Variants in DHRS12 observed in about 807,000 individuals in gnomAD.
DHRS12 encodes dehydrogenase/reductase 12, also known as dehydrogenase/reductase SDR family member 12.
DHRS12 carries 29 observed loss-of-function variants against 32.1 expected under a neutral mutation model. That is an observed-to-expected ratio of 0.90 (90% CI 0.67 to 1.23). The LOEUF (loss-of-function observed/expected upper bound fraction) is 1.23. DHRS12 is among the 50% of genes most tolerant of loss of function. The pLI, the probability that DHRS12 is intolerant of heterozygous loss-of-function variation, is 0.00. For synonymous variants in DHRS12, 150 were observed against 135.9 expected (o/e 1.10, Z -0.72); for missense variants, 330 against 337.2 (o/e 0.98, Z 0.17).
chr13:51,768,813 G>A (rs780699839), intron 8 of DHRS12: 23 of 1,261,790 alleles, frequency 1.8e-5, no homozygotes, highest in Non-Finnish European at 2.3e-5. Flanking sequence ...GAGAAGCAGA[G>A]TCCGTTACTC....
chr13:51,780,740 C>T (rs767526809), intron 4 of DHRS12, among the ~76,000 whole-genome samples: 8 of 152,106 alleles, frequency 5.3e-5, no homozygotes, highest in Non-Finnish European at 1.0e-4. Flanking sequence ...GGAGAGATGC[C>T]GCGTGTTCTT....
rs1955875297 is a variant in DHRS12 at position 51,803,944 on chromosome 13, C to T, written c.-9+110G>A. On this transcript the variant is annotated intron_variant, in intron 1 of 8. Coordinates refer to ENST00000444610, the MANE Select transcript of DHRS12 (RefSeq NM_001377533.1). ...GTCGTTCTGGACACGCTTAGTCGGC[C>T]CAGCGAGAGGGCGAAGGAGCCGCGG... 3 of 1,059,870 alleles carry T rather than the reference C, an allele frequency of 2.8e-6. No homozygotes were observed. The South Asian group carries it at 8.7e-5, about 31-fold the overall frequency. 65.7% of individuals were successfully genotyped at this position (1,059,870 alleles called of 1,614,324 possible). A position where few individuals can be genotyped will look rare whatever the true frequency, so the allele number is the denominator to read the frequency against.
chr13:51,773,056 A>G lies in DHRS12; in HGVS notation c.468+874T>C, dbSNP rs886412530. On this transcript the variant is annotated intron_variant, in intron 6 of 8. Transcript: ENST00000444610. ...GCCCTAGCGGGTGAATTTAAGGGCA[A>G]GAACTGTAAATATGGAAGTTATATA... is the stretch of plus-strand genomic sequence containing the variant. 9 of 985,358 alleles carry G rather than the reference A, an allele frequency of 9.1e-6. No homozygotes were observed. In the African/African-American group the frequency reaches 1.6e-4, roughly 17 times the overall value. The allele number at this position is 985,358 out of a possible 1,614,324, so 61.0% of individuals were successfully genotyped here.
the DHRS12 span, among the ~76,000 whole-genome samples, chr13:51,755,725 T>A: frequency 6.6e-6 from 1 of 152,222 alleles, no homozygotes; most frequent in East Asian, 1.9e-4. Context: ...ACCTTACAAT[T>A]AGAGGTGTCA....
In DHRS12 at chr13:51,790,126, A is replaced by C. The variant is rs1955198486; in HGVS notation, c.220-34T>G. The C allele has an allele frequency of 1.9e-6, 3 of 1,541,992 alleles. No homozygotes were observed. The East Asian group carries it at 7.1e-5, about 37-fold the overall frequency. On this transcript the variant is annotated intron_variant, in intron 3 of 8. Coordinates refer to ENST00000444610, the MANE Select transcript of DHRS12 (RefSeq NM_001377533.1). The stretch of plus-strand genomic sequence containing the variant: ...TATAGTTCTCATTTCAAAATAAAGA[A>C]AAATAGGGCCAAAAGACCTATTTCC...
the DHRS12 span, among the ~76,000 whole-genome samples, chr13:51,757,917 G>A: frequency 6.6e-6 from 1 of 151,876 alleles, no homozygotes; most frequent in Non-Finnish European, 1.5e-5. Context: ...TTAAAAGCTC[G>A]GGTGGAGATT....
intron 6 of DHRS12, among the ~76,000 whole-genome samples, chr13:51,772,404 C>T (rs1954070995): frequency 6.6e-6 from 1 of 152,106 alleles, no homozygotes; most frequent in Non-Finnish European, 1.5e-5. Context: ...GGGACGATCA[C>T]CTGAGGTCAG....
intron 4 of DHRS12, among the ~76,000 whole-genome samples, chr13:51,787,852 T>A (rs977745214): frequency 2.0e-4 from 25 of 123,074 alleles, no homozygotes; most frequent in African/African-American, 7.9e-4. Flanking sequence ...TAATATATAA[T>A]TATATATAAT....
At chr13:51,789,958 T>A (rs1421509116) in intron 4 of DHRS12, 53 bp downstream of exon 4, 1 of 1,546,596 alleles carries the variant, frequency 6.5e-7, no homozygotes, top group Admixed American at 2.2e-5. Context: ...CCTTCTATGG[T>A]ACATTCTATG....
rs566957643 is a variant in DHRS12 at position 51,782,560 on chromosome 13, A to G, written c.302-5439T>C. Among the ~76,000 whole-genome samples, 3 of 152,278 alleles carry G rather than the reference A, an allele frequency of 2.0e-5. No homozygotes were observed. The South Asian group carries it at 6.2e-4, about 32-fold the overall frequency. Reference sequence around the variant, plus strand: ...GAGAGTGGCCAAAGGTCAGGGAGATAAGCCGACTGGAGTGAGCTGCAGGAT... The same window carrying G: ...GAGAGTGGCCAAAGGTCAGGGAGATGAGCCGACTGGAGTGAGCTGCAGGAT... On this transcript the variant is annotated intron_variant, in intron 4 of 8. Coordinates refer to ENST00000444610, the MANE Select transcript of DHRS12 (RefSeq NM_001377533.1). The surrounding 1 kb of genome is among the most constrained non-coding windows in gnomAD (Gnocchi z 4.2).
intron 7 of DHRS12, among the ~76,000 whole-genome samples, chr13:51,770,394 G>A (rs1953956158): frequency 2.0e-5 from 3 of 152,168 alleles, no homozygotes; most frequent in Admixed American, 1.3e-4. Context: ...AGAGCCCGCT[G>A]GTGGGCTTGC....
intron 5 of DHRS12, 142 bp from the exon 6 acceptor site, chr13:51,774,176 AGTATTCTCCTACAGTACAT>A (rs1954195259): frequency 3.1e-6 from 2 of 654,776 alleles, no homozygotes; most frequent in East Asian, 2.7e-5. Context: ...ATTCTCCTAC[AGTATTCTCCTACAGTACAT>A]GTATTCTCCT....
At chr13:51,755,494 A>T in the DHRS12 span, 2 of 1,587,864 alleles carry the variant, frequency 1.3e-6, no homozygotes, top group Non-Finnish European at 1.7e-6. Context: ...AAATGTAATT[A>T]TATGGAAATA....
intron 1 of DHRS12, 196 bp downstream of exon 1, chr13:51,803,858 C>A: frequency 4.8e-6 from 2 of 420,056 alleles, no homozygotes; most frequent in South Asian, 8.5e-5. Flanking sequence ...GGGCATTGAG[C>A]GGCTGGAGTC....
intron 4 of DHRS12, among the ~76,000 whole-genome samples, chr13:51,786,223 T>A (rs1954949154): frequency 6.6e-6 from 1 of 152,228 alleles, no homozygotes; most frequent in African/African-American, 2.4e-5. Context: ...GTCAATTAAT[T>A]GGTGACGCAG....
Position 51,797,579 on chromosome 13 carries a change from C to T in DHRS12, c.126+1955G>A, listed in dbSNP as rs141218442. On this transcript the variant is annotated intron_variant, in intron 2 of 8. Transcript: ENST00000444610. ...GTCCAGTGTAATGGGCCTCTGCCTGCTGGCCTCTGCTGGTTTCACAGGCAG... is the reference window on the plus strand; with the variant it reads ...GTCCAGTGTAATGGGCCTCTGCCTGTTGGCCTCTGCTGGTTTCACAGGCAG... Among the ~76,000 whole-genome samples, 60 of 152,330 alleles carry T rather than the reference C, an allele frequency of 3.9e-4. 1 individual carries two copies. In the East Asian group the frequency reaches 0.011, roughly 27 times the overall value.
At chr13:51,798,047 G>A in intron 2 of DHRS12, 3 of 823,278 alleles carry the variant, frequency 3.6e-6, no homozygotes, top group Non-Finnish European at 5.8e-6. Context: ...CCAGAGTTAA[G>A]AGCAGCAAGG....
intron 5 of DHRS12, chr13:51,774,272 T>C: frequency 2.1e-6 from 1 of 476,234 alleles, no homozygotes; most frequent in South Asian, 2.6e-5. Context: ...TCCTACAGTA[T>C]TCTCCTACAG....
chr13:51,771,010 C>T, intron 7 of DHRS12: 1 of 1,413,714 alleles, frequency 7.1e-7, no homozygotes, highest in East Asian at 2.6e-5. Flanking sequence ...AAAGGCCATG[C>T]CAGCAGTGTG....
Sources: allele counts gnomAD v4.1 joint callset (sites outside exome capture counted in the v4.1 genomes callset), GRCh38; gene constraint gnomAD v4.1.1; non-coding constraint Gnocchi (gnomAD v3.1); transcripts MANE v1.5; gene names NCBI Gene and HGNC (gene_info 2026-07-23, HGNC 2026-07-21).